The following RHOJ variants were observed in gnomAD, a reference collection of about 807,000 sequenced individuals.
RHOJ encodes the protein ras homolog family member J, also known as rho-related GTP-binding protein RhoJ.
In RHOJ, 11 loss-of-function variants were observed where a neutral mutation model predicts 23.4. The ratio of observed to expected loss-of-function variants is 0.47; its 90% CI spans 0.30 to 0.78. The LOEUF (loss-of-function observed/expected upper bound fraction) is 0.78, where lower values mean the gene tolerates loss of function less well. Ranked by LOEUF, RHOJ falls within the 30% of genes least tolerant of loss-of-function variation. RHOJ has a pLI of 0.08. For missense variants in RHOJ, 254 were observed against 273.4 expected (o/e 0.93, Z 0.50); for synonymous variants, 102 against 102.7 (o/e 0.99, Z 0.04).
intron 1 of RHOJ, among the ~76,000 whole-genome samples, chr14:63,256,849 G>A (rs1330615691): frequency 1.3e-5 from 2 of 152,070 alleles, no homozygotes; most frequent in East Asian, 3.9e-4. Flanking sequence ...CGAGGCAGGC[G>A]GGTCATGAGG....
intron 1 of RHOJ, among the ~76,000 whole-genome samples, chr14:63,256,536 A>G (rs1055812502): frequency 6.6e-6 from 1 of 152,084 alleles, no homozygotes; most frequent in Admixed American, 6.6e-5. Flanking sequence ...AATCATACTC[A>G]CACGTGGCTC....
intron 1 of RHOJ, among the ~76,000 whole-genome samples, chr14:63,229,890 T>C (rs17100876): frequency 0.16 from 24,669 of 152,138 alleles, 2,911 homozygotes; most frequent in African/African-American, 0.32. Context: ...TTTAGAACTA[T>C]TTCCACCATA....
At chr14:63,269,021 A>T in intron 1 of RHOJ, 89 bp from the exon 2 acceptor site, 1 of 867,548 alleles carries the variant, frequency 1.2e-6, no homozygotes, top group South Asian at 1.4e-5. Context: ...CTGCCCAAGG[A>T]GATGCTGGCA....
At chr14:63,237,475 G>T (rs988651396) in intron 1 of RHOJ, among the ~76,000 whole-genome samples, 9 of 152,064 alleles carry the variant, frequency 5.9e-5, no homozygotes, top group African/African-American at 2.2e-4. Flanking sequence ...ACATTAAAAA[G>T]TGTCTGCTCT....
chr14:63,240,889 A>G (rs1369995139), intron 1 of RHOJ, among the ~76,000 whole-genome samples: 1 of 152,214 alleles, frequency 6.6e-6, no homozygotes, highest in Admixed American at 6.5e-5. Context: ...CATTTTTGAC[A>G]ATGGTTCCAT....
rs1214161927 is a variant in RHOJ, at chr14:63,245,159, TA to T, written c.179-23945del. On this transcript the variant is annotated intron_variant, in intron 1 of 4. Transcript: ENST00000316754. The stretch of plus-strand genomic sequence containing the variant: ...AACCCAAAGTGTTTCCATCTTGTTC[TA>T]AAAAACTCTGTAAGCATCAGGGTAC... Among the ~76,000 whole-genome samples the T allele has an allele frequency of 1.4e-4, 21 of 152,344 alleles. 1 individual carries two copies. The East Asian group carries it at 1.9e-3, about 14-fold the overall frequency.
intron 4 of RHOJ, among the ~76,000 whole-genome samples, chr14:63,286,232 G>A (rs1464374741): frequency 6.6e-6 from 1 of 152,170 alleles, no homozygotes; most frequent in Non-Finnish European, 1.5e-5. Flanking sequence ...CACCACTGGT[G>A]TCTGGGTTAC....
rs1349341785 is a variant in RHOJ at position 63,283,146 on chromosome 14, C to T, written c.428C>T (p.Thr143Ile). The T allele has an allele frequency of 1.9e-6, 3 of 1,613,960 alleles. No individual in the cohort carries two copies. Among genetic ancestry groups the T allele is most frequent in the African/African-American group, 2.7e-5 (2 of 74,932 alleles). The change falls in exon 4 of 5, where the codon ACC becomes ATC. Residue 143 changes from threonine (T) to isoleucine (I), a missense_variant. Transcript: ENST00000316754. ...TQIDLRDDPK[T>I]LARLLYMKEK... ...ATTGATCTCCGTGATGACCCAAAAA[C>T]CTTGGCCCGTTTGCTGTATATGAAA...
At chr14:63,270,161 C>T (rs1376735183) in intron 2 of RHOJ, among the ~76,000 whole-genome samples, 3 of 138,204 alleles carry the variant, frequency 2.2e-5, no homozygotes, top group Admixed American at 1.4e-4. Flanking sequence ...GCGATGCATT[C>T]GTCTAGGCCT....
chr14:63,247,808 G>T (rs181986306), intron 1 of RHOJ, among the ~76,000 whole-genome samples: 1 of 152,254 alleles, frequency 6.6e-6, no homozygotes, highest in East Asian at 1.9e-4. Flanking sequence ...CCCAAGACTG[G>T]GTAATTTAAA....
intron 1 of RHOJ, among the ~76,000 whole-genome samples, chr14:63,231,216 G>T (rs1397376806): frequency 6.6e-6 from 1 of 152,110 alleles, no homozygotes; most frequent in Non-Finnish European, 1.5e-5. Context: ...TTATTTTTAT[G>T]TTAGTTCTTC....
rs771047205 is a variant in RHOJ, at chr14:63,205,060, G to A, written c.178+13G>A. 1.6e-5 allele frequency: 26 copies of A among 1,608,662 alleles called. No homozygotes were observed. Among genetic ancestry groups the A allele is most frequent in the Non-Finnish European group, 4.2e-6 (5 of 1,176,644 alleles). ...GACCACTATGCAGGTAAGAAAAAGT[G>A]GGAAACTCTCTGCATCCAGACAAAC... On this transcript the variant is annotated intron_variant, in intron 1 of 4. Transcript: ENST00000316754.
chr14:63,246,646 C>T (rs947069155), intron 1 of RHOJ, among the ~76,000 whole-genome samples: 1 of 152,206 alleles, frequency 6.6e-6, no homozygotes, highest in Non-Finnish European at 1.5e-5. Context: ...CTCTCTCCTC[C>T]TATTTCTTGC....
chr14:63,250,215 C>A (rs1444550523), intron 1 of RHOJ, among the ~76,000 whole-genome samples: 1 of 152,144 alleles, frequency 6.6e-6, no homozygotes, highest in Non-Finnish European at 1.5e-5. Context: ...ATTCACTACA[C>A]TCCAGCCATA....
intron 1 of RHOJ, among the ~76,000 whole-genome samples, chr14:63,251,859 G>A (rs117625601): frequency 0.017 from 2,601 of 152,166 alleles, 28 homozygotes; most frequent in Non-Finnish European, 0.027. Context: ...AGTGGGTCAC[G>A]CCTGTAATCC....
intron 2 of RHOJ, 150 bp downstream of exon 2, chr14:63,269,318 G>T: frequency 2.0e-6 from 1 of 508,152 alleles, no homozygotes; most frequent in Non-Finnish European, 3.5e-6. Flanking sequence ...ACGACCAAAA[G>T]CACATTCTCA....
At position 63,245,037 on chromosome 14, in the gene RHOJ, G is replaced by T. The variant is rs117344128; in HGVS notation, c.179-24073G>T. ...AGTGTCCAGGGCTTGCTGGCTATAT[G>T]ACCCTCTCTGCATATCACTGTCTTT... On this transcript the variant is annotated intron_variant, in intron 1 of 4. Transcript: ENST00000316754. Among the ~76,000 whole-genome samples the T allele has an allele frequency of 1.2e-4, 18 of 152,302 alleles. No homozygotes were observed. In the East Asian group the frequency reaches 3.5e-3, roughly 29 times the overall value.
chr14:63,274,579 T>G (rs990701865), intron 2 of RHOJ, among the ~76,000 whole-genome samples: 3 of 152,184 alleles, frequency 2.0e-5, no homozygotes, highest in Non-Finnish European at 1.5e-5. Context: ...CAGCTGTTGT[T>G]GATATGGGCT....
chr14:63,247,030 C>A (rs1283155416), intron 1 of RHOJ, among the ~76,000 whole-genome samples: 1 of 152,114 alleles, frequency 6.6e-6, no homozygotes, highest in East Asian at 1.9e-4. Flanking sequence ...TGAGACAGAA[C>A]TGGAAGGGGA....
Sources: allele counts gnomAD v4.1 joint callset (sites outside exome capture counted in the v4.1 genomes callset), GRCh38; gene constraint gnomAD v4.1.1; transcripts MANE v1.5; gene names NCBI Gene and HGNC (gene_info 2026-07-23, HGNC 2026-07-21).